Variants in ST6GALNAC3 observed in about 807,000 individuals in gnomAD.
ST6GALNAC3 encodes the protein alpha-N-acetylgalactosaminide alpha-2,6-sialyltransferase 3.
In ST6GALNAC3, 25 loss-of-function variants were observed where a neutral mutation model predicts 32.7. The observed-to-expected ratio is 0.76, with a 90% confidence interval of 0.56 to 1.07. ST6GALNAC3 has a LOEUF of 1.07. Ranked by LOEUF, ST6GALNAC3 falls within the 50% of genes least tolerant of loss-of-function variation. The pLI is 0.00. For synonymous variants in ST6GALNAC3, 129 were observed against 133.1 expected (o/e 0.97, Z 0.21); for missense variants, 355 against 382.4 (o/e 0.93, Z 0.60).
chr1:76,133,715 CA>C (rs1289678598), intron 1 of ST6GALNAC3, among the ~76,000 whole-genome samples: 1 of 152,228 alleles, frequency 6.6e-6, no homozygotes, highest in Non-Finnish European at 1.5e-5. Flanking sequence ...CTGCTGATCT[CA>C]GGGGAGGATT....
chr1:76,165,551 AGGTCAAAT>A (rs1652069186), intron 1 of ST6GALNAC3, among the ~76,000 whole-genome samples: 1 of 152,168 alleles, frequency 6.6e-6, no homozygotes, highest in Non-Finnish European at 1.5e-5. Context: ...TGAGATTACT[AGGTCAAAT>A]GGTATTTCTG....
chr1:76,602,144 C>G (rs1647263834), intron 3 of ST6GALNAC3, among the ~76,000 whole-genome samples: 1 of 151,990 alleles, frequency 6.6e-6, no homozygotes. Context: ...AACTGAGAGG[C>G]CTAACTACAG....
chr1:76,579,285 G>T (rs543469624), intron 3 of ST6GALNAC3, among the ~76,000 whole-genome samples: 3 of 152,036 alleles, frequency 2.0e-5, no homozygotes, highest in South Asian at 4.1e-4. Flanking sequence ...ATTGGTCTCT[G>T]CAGCCCCATC....
chr1:76,432,647 G>A (rs1396405336), intron 3 of ST6GALNAC3, among the ~76,000 whole-genome samples: 1 of 151,582 alleles, frequency 6.6e-6, no homozygotes, highest in Non-Finnish European at 1.5e-5. Context: ...TGTAAAGACA[G>A]AGTCACTCCA....
At chr1:76,574,144 G>A (rs1049760845) in intron 3 of ST6GALNAC3, among the ~76,000 whole-genome samples, 2 of 152,036 alleles carry the variant, frequency 1.3e-5, no homozygotes, top group South Asian at 4.1e-4. Flanking sequence ...TCAATACAAA[G>A]TAGCCAAATT....
intron 3 of ST6GALNAC3, among the ~76,000 whole-genome samples, chr1:76,553,298 A>G (rs1414122718): frequency 6.6e-6 from 1 of 152,200 alleles, no homozygotes; most frequent in African/African-American, 2.4e-5. Context: ...AAAGATATGA[A>G]CAGTGGGAGA....
intron 2 of ST6GALNAC3, among the ~76,000 whole-genome samples, chr1:76,370,114 C>A (rs531489994): frequency 6.6e-5 from 10 of 152,254 alleles, no homozygotes; most frequent in Admixed American, 4.6e-4. Context: ...GCAGCAGGAA[C>A]CAACCATGAA....
intron 1 of ST6GALNAC3, among the ~76,000 whole-genome samples, chr1:76,089,729 G>T (rs1647017496): frequency 6.6e-6 from 1 of 152,182 alleles, no homozygotes; most frequent in Non-Finnish European, 1.5e-5. Flanking sequence ...ACATTCGGTT[G>T]ACAGTATTGC....
chr1:76,094,333 G>A (rs1009639323), intron 1 of ST6GALNAC3, among the ~76,000 whole-genome samples: 1 of 152,204 alleles, frequency 6.6e-6, no homozygotes, highest in Non-Finnish European at 1.5e-5. Flanking sequence ...ATTGTGCTAA[G>A]TTAAGGAGTG....
In ST6GALNAC3 at chr1:76,112,557, C is replaced by T. The variant is rs1266338962; in HGVS notation, c.18+37673C>T. ...CCTCCCGGACGGGGTGGCTGCCGGG[C>T]GGAGACGCTCCTCACTTCCCAGACG... On this transcript the variant is annotated intron_variant, in intron 1 of 4. Coordinates refer to ENST00000328299, the MANE Select transcript of ST6GALNAC3 (RefSeq NM_152996.4). 3.3e-5 allele frequency among the ~76,000 whole-genome samples: 5 copies of T among 151,854 alleles called. No individual in the cohort carries two copies. In the East Asian group the frequency reaches 9.8e-4, roughly 30 times the overall value.
chr1:76,124,215 C>T (rs1035002202), intron 1 of ST6GALNAC3, among the ~76,000 whole-genome samples: 4 of 152,164 alleles, frequency 2.6e-5, no homozygotes, highest in Admixed American at 2.0e-4. Flanking sequence ...CAATTCATCT[C>T]GTGCCTGCCC....
chr1:76,485,419 A>G (rs1349978690), intron 3 of ST6GALNAC3, among the ~76,000 whole-genome samples: 2 of 152,144 alleles, frequency 1.3e-5, no homozygotes. Flanking sequence ...TGGTCTATTC[A>G]GGGATTCAAC....
At chr1:76,577,610 G>A (rs554352780) in intron 3 of ST6GALNAC3, among the ~76,000 whole-genome samples, 2 of 151,948 alleles carry the variant, frequency 1.3e-5, no homozygotes, top group Admixed American at 1.3e-4. Flanking sequence ...ACAAAGCTCT[G>A]GTAAAGTGGG....
intron 3 of ST6GALNAC3, among the ~76,000 whole-genome samples, chr1:76,484,438 A>G (rs565039816): frequency 2.6e-5 from 4 of 152,232 alleles, no homozygotes; most frequent in East Asian, 3.9e-4. Context: ...GGTCCTTCAC[A>G]TCCCTTGTAA....
chr1:76,424,084 T>C (rs936828301), intron 3 of ST6GALNAC3, among the ~76,000 whole-genome samples: 2 of 152,006 alleles, frequency 1.3e-5, no homozygotes, highest in African/African-American at 4.8e-5. Context: ...GTTCTATATT[T>C]CTGATATGTC....
intron 1 of ST6GALNAC3, among the ~76,000 whole-genome samples, chr1:76,250,720 G>A: frequency 6.6e-6 from 1 of 152,026 alleles, no homozygotes; most frequent in East Asian, 1.9e-4. Flanking sequence ...CTTCAACATG[G>A]CTATGAAGCA....
intron 3 of ST6GALNAC3, among the ~76,000 whole-genome samples, chr1:76,588,894 G>A (rs1647003645): frequency 6.6e-6 from 1 of 152,152 alleles, no homozygotes. Context: ...GTGGCTTCCT[G>A]TTCTTATATA....
chr1:76,089,553 CA>C (rs1248002305), intron 1 of ST6GALNAC3, among the ~76,000 whole-genome samples: 2 of 152,142 alleles, frequency 1.3e-5, no homozygotes, highest in African/African-American at 2.4e-5. Context: ...TCAAAAGGGT[CA>C]AGCCAATGAC....
intron 3 of ST6GALNAC3, among the ~76,000 whole-genome samples, chr1:76,570,461 A>G (rs1665795141): frequency 6.6e-6 from 1 of 151,736 alleles, no homozygotes; most frequent in Admixed American, 6.6e-5. Context: ...CTTTTTAAAA[A>G]TTTTTCCAAT....
Sources: gnomAD v4.1 joint callset for allele counts (sites outside exome capture counted in the v4.1 genomes callset) on GRCh38, gnomAD v4.1.1 for gene constraint, MANE v1.5 for transcripts, NCBI Gene and HGNC (gene_info 2026-07-23, HGNC 2026-07-21) for gene names.